The following KIAA1328 variants were observed in gnomAD, a reference collection of about 807,000 sequenced individuals.
The protein encoded by KIAA1328 is protein hinderin.
A neutral mutation model predicts 68.1 loss-of-function variants in KIAA1328; 52 were observed. The ratio of observed to expected loss-of-function variants is 0.76; its 90% CI spans 0.61 to 0.96. The LOEUF is 0.96. Ranked by LOEUF, KIAA1328 falls within the 40% of genes least tolerant of loss-of-function variation. KIAA1328 has a pLI of 0.00. For missense variants in KIAA1328, 641 were observed against 677.6 expected, an observed-to-expected ratio of 0.95 and a Z score of 0.60; for synonymous variants, 232 against 239.4, an observed-to-expected ratio of 0.97 and a Z score of 0.28.
intron 7 of KIAA1328, among the ~76,000 whole-genome samples, chr18:37,121,130 T>C (rs2058257632): frequency 6.6e-6 from 1 of 152,120 alleles, no homozygotes; most frequent in East Asian, 1.9e-4. Context: ...CCTATAAAGG[T>C]ATAGTCCAAC....
intron 6 of KIAA1328, among the ~76,000 whole-genome samples, chr18:36,988,855 A>G (rs1472064733): frequency 6.6e-6 from 1 of 152,202 alleles, no homozygotes; most frequent in Non-Finnish European, 1.5e-5. Context: ...CAGATTAGTT[A>G]ACACTGCTAA....
chr18:37,182,587 A>G (rs1005625887), intron 9 of KIAA1328, among the ~76,000 whole-genome samples: 3 of 152,100 alleles, frequency 2.0e-5, no homozygotes, highest in East Asian at 1.9e-4. Flanking sequence ...CACTCAAGCA[A>G]TCAGGAACAA....
At chr18:37,030,313 T>C (rs2054771127) in intron 6 of KIAA1328, among the ~76,000 whole-genome samples, 1 of 152,168 alleles carries the variant, frequency 6.6e-6, no homozygotes, top group Non-Finnish European at 1.5e-5. Context: ...TTTAAAGCTA[T>C]AAATTTCCCT....
chr18:37,082,503 A>G (rs1404677691), intron 7 of KIAA1328, among the ~76,000 whole-genome samples: 2 of 152,170 alleles, frequency 1.3e-5, no homozygotes, highest in African/African-American at 4.8e-5. Context: ...AAATTCATGA[A>G]TTAATATCTG....
chr18:37,203,205 C>T (rs938734897), intron 9 of KIAA1328, among the ~76,000 whole-genome samples: 2 of 151,918 alleles, frequency 1.3e-5, no homozygotes, highest in African/African-American at 4.8e-5. Context: ...TTTAACAAAA[C>T]CTTATAAACA....
chr18:36,993,188 A>G (rs563769566), intron 6 of KIAA1328, among the ~76,000 whole-genome samples: 1 of 152,298 alleles, frequency 6.6e-6, no homozygotes, highest in African/African-American at 2.4e-5. Context: ...GAAGCAAACT[A>G]AAATGAGGCA....
chr18:37,159,350 G>A (rs973250204), intron 7 of KIAA1328, among the ~76,000 whole-genome samples: 1 of 152,112 alleles, frequency 6.6e-6, no homozygotes, highest in Non-Finnish European at 1.5e-5. Flanking sequence ...TGCTTCTGGG[G>A]AGTTTAAACG....
chr18:36,895,659 AT>A, intron 5 of KIAA1328: 1 of 435,384 alleles, frequency 2.3e-6, no homozygotes, highest in Non-Finnish European at 4.6e-6. Context: ...TTGCTTATGT[AT>A]TTATTTGTTA....
At chr18:37,008,569 C>G (rs2629971) in intron 6 of KIAA1328, among the ~76,000 whole-genome samples, 111,412 of 152,108 alleles carry the variant, frequency 0.73, 43,950 homozygotes, top group South Asian at 0.89. Flanking sequence ...ATTAAGAAAT[C>G]ACAACTCCAG....
At chr18:37,053,297 AAC>A (rs1182646565) in intron 6 of KIAA1328, among the ~76,000 whole-genome samples, 1 of 152,192 alleles carries the variant, frequency 6.6e-6, no homozygotes, top group African/African-American at 2.4e-5. Flanking sequence ...AGAGGAAAGA[AAC>A]TGGACTCTTA....
chr18:37,032,729 C>T (rs2054880569), intron 6 of KIAA1328, among the ~76,000 whole-genome samples: 1 of 152,128 alleles, frequency 6.6e-6, no homozygotes, highest in South Asian at 2.1e-4. Context: ...GCAACCTCCG[C>T]CTCCCAGATT....
chr18:37,074,187 A>G (rs2056630025), intron 7 of KIAA1328, among the ~76,000 whole-genome samples: 1 of 152,212 alleles, frequency 6.6e-6, no homozygotes, highest in Non-Finnish European at 1.5e-5. Context: ...TCCTTTAGAC[A>G]GAGAGAGCAG....
intron 5 of KIAA1328, among the ~76,000 whole-genome samples, chr18:36,912,079 C>T (rs1445006967): frequency 6.6e-6 from 1 of 152,114 alleles, no homozygotes; most frequent in Non-Finnish European, 1.5e-5. Flanking sequence ...TTTTCCCCTT[C>T]AAATCTCTGT....
chr18:36,923,021 A>AT (rs144915242), intron 5 of KIAA1328, among the ~76,000 whole-genome samples: 20,657 of 152,012 alleles, frequency 0.14, 1,750 homozygotes, highest in Admixed American at 0.18. Flanking sequence ...TTTATGATTG[A>AT]TTTTTTCCTT....
chr18:36,864,486 A>G (rs1303209641), intron 4 of KIAA1328, among the ~76,000 whole-genome samples: 1 of 151,728 alleles, frequency 6.6e-6, no homozygotes. Flanking sequence ...TATTTTTAGT[A>G]GAGACGGGGT....
chr18:37,189,704 C>G (rs1159259155), intron 9 of KIAA1328, among the ~76,000 whole-genome samples: 1 of 152,158 alleles, frequency 6.6e-6, no homozygotes, highest in South Asian at 2.1e-4. Context: ...ACTATAATCT[C>G]TCTTTAGAGG....
intron 5 of KIAA1328, among the ~76,000 whole-genome samples, chr18:36,922,202 A>G (rs2049953748): frequency 6.6e-6 from 1 of 152,192 alleles, no homozygotes; most frequent in Non-Finnish European, 1.5e-5. Context: ...TCCAAGTATT[A>G]ATGCCGTTGT....
rs1464239025 is a variant in KIAA1328, at chr18:36,949,604, C to A, written c.449-9704C>A. On this transcript the variant is annotated intron_variant, in intron 5 of 9. Coordinates refer to ENST00000280020, the MANE Select transcript of KIAA1328 (RefSeq NM_020776.3). ...AGTCTGTTTCTACCCAGCTCCCCCC[C>A]CCCCACCCCCCGATCTTGATTTGCA... 1.3e-3 allele frequency among the ~76,000 whole-genome samples: 121 copies of A among 94,760 alleles called. 4 individuals carry two copies. The highest frequency in any genetic ancestry group is 4.3e-3 in the African/African-American group (107 of 25,010). 62.2% of individuals were successfully genotyped at this position (94,760 alleles called of 152,430 possible). A position where few individuals can be genotyped will look rare whatever the true frequency, so the allele number is the denominator to read the frequency against.
intron 9 of KIAA1328, among the ~76,000 whole-genome samples, chr18:37,203,650 A>G (rs2060157262): frequency 6.6e-6 from 1 of 152,204 alleles, no homozygotes; most frequent in African/African-American, 2.4e-5. Flanking sequence ...GTCTGTGAGG[A>G]TAACATCTGG....
Sources: gnomAD v4.1 joint callset for allele counts (sites outside exome capture counted in the v4.1 genomes callset) on GRCh38, gnomAD v4.1.1 for gene constraint, MANE v1.5 for transcripts, NCBI Gene and HGNC (gene_info 2026-07-23, HGNC 2026-07-21) for gene names.